Variants in ALPK2 observed in about 807,000 individuals in gnomAD.
The protein encoded by ALPK2 is alpha kinase 2.
ALPK2 carries 127 observed loss-of-function variants against 163.1 expected under a neutral mutation model. The ratio of observed to expected loss-of-function variants is 0.78; its 90% CI spans 0.67 to 0.90. ALPK2 has a LOEUF of 0.90. Among genes scored for constraint, ALPK2 ranks in the 40% least tolerant of loss-of-function variants. The probability of loss-of-function intolerance (pLI) is 0.00; values close to 1 mark genes in which losing one functional copy is unlikely to be tolerated. For synonymous variants in ALPK2, 953 were observed against 959.1 expected, an observed-to-expected ratio of 0.99 and a Z score of 0.12; for missense variants, 2,360 against 2,589.6, an observed-to-expected ratio of 0.91 and a Z score of 1.92.
At chr18:58,501,361 GAACA>G (rs1343848862) in intron 11 of ALPK2, among the ~76,000 whole-genome samples, 1 of 152,242 alleles carries the variant, frequency 6.6e-6, no homozygotes, top group Non-Finnish European at 1.5e-5. Flanking sequence ...AGTCTAAATA[GAACA>G]AACAGCTGTC....
At chr18:58,496,227 G>A (rs1044182804) in intron 12 of ALPK2, among the ~76,000 whole-genome samples, 7 of 152,132 alleles carry the variant, frequency 4.6e-5, no homozygotes, top group Admixed American at 2.6e-4. Context: ...GGAAGCAGCA[G>A]CATCAGGGTA....
At chr18:58,593,983 TG>T (rs2144212677) in intron 3 of ALPK2, among the ~76,000 whole-genome samples, 2 of 146,414 alleles carry the variant, frequency 1.4e-5, no homozygotes, top group African/African-American at 5.0e-5. Context: ...AGCAGCATAA[TG>T]GGGTGAAACC....
At chr18:58,484,599 C>T (rs971838304) in intron 12 of ALPK2, among the ~76,000 whole-genome samples, 1 of 152,104 alleles carries the variant, frequency 6.6e-6, no homozygotes, top group Non-Finnish European at 1.5e-5. Context: ...CAAAAATTAG[C>T]TGGGTGTGGT....
chr18:58,602,252 T>C (rs1338772776), intron 3 of ALPK2, among the ~76,000 whole-genome samples: 1 of 152,214 alleles, frequency 6.6e-6, no homozygotes. Context: ...CCAGTGCTTA[T>C]GTCCAGGTAG....
chr18:58,620,023 G>A (rs1216522806), intron 1 of ALPK2, among the ~76,000 whole-genome samples: 1 of 152,204 alleles, frequency 6.6e-6, no homozygotes, highest in African/African-American at 2.4e-5. Flanking sequence ...GGGCGCGGTG[G>A]CTCACGCCTG....
In ALPK2 at chr18:58,516,960, C is replaced by T. The variant is rs772031241; in HGVS notation, c.5888G>A (p.Gly1963Glu). 2.5e-6 allele frequency: 4 copies of T among 1,614,004 alleles called. No homozygotes were observed. The highest frequency in any genetic ancestry group is 2.7e-5 in the African/African-American group (2 of 74,896). ...VLKVHNAIAY[G>E]TRNNDELIQR... is the part of the protein sequence containing the mutation. ...GATGAGCTCATCATTATTTCTGGTC[C>T]CATAGGCAATGGCATTGTGCACCTT... is the stretch of plus-strand genomic sequence containing the variant. The change falls in exon 9 of 13, where the codon GGG becomes GAG. Residue 1963 changes from glycine to glutamate, a missense_variant. Transcript: ENST00000361673.
intron 1 of ALPK2, among the ~76,000 whole-genome samples, chr18:58,622,984 G>T (rs371780142): frequency 6.6e-6 from 1 of 152,054 alleles, no homozygotes; most frequent in Non-Finnish European, 1.5e-5. Flanking sequence ...CCCGCCCCCC[G>T]ACAGAAATAA....
chr18:58,543,570 C>T (rs1245210119), intron 4 of ALPK2, among the ~76,000 whole-genome samples: 1 of 152,198 alleles, frequency 6.6e-6, no homozygotes, highest in Non-Finnish European at 1.5e-5. Context: ...GCAGGATGAC[C>T]ACAGGCTCTC....
chr18:58,575,218 A>G (rs959197467), intron 4 of ALPK2, among the ~76,000 whole-genome samples: 38 of 147,898 alleles, frequency 2.6e-4, no homozygotes, highest in Middle Eastern at 7.0e-3. Flanking sequence ...AAAAAAAAAA[A>G]AGAAGAAGAA....
intron 3 of ALPK2, among the ~76,000 whole-genome samples, chr18:58,585,005 A>G (rs745597769): frequency 2.8e-4 from 42 of 152,240 alleles, no homozygotes; most frequent in Non-Finnish European, 4.7e-4. Flanking sequence ...GGAGGGAAGC[A>G]GTAACATTCC....
At chr18:58,562,854 G>A (rs1282040462) in intron 4 of ALPK2, among the ~76,000 whole-genome samples, 2 of 152,184 alleles carry the variant, frequency 1.3e-5, no homozygotes, top group Non-Finnish European at 2.9e-5. Flanking sequence ...AGAAAGAAGA[G>A]AGGAAGCAAG....
At chr18:58,617,897 G>T (rs920101917) in intron 1 of ALPK2, among the ~76,000 whole-genome samples, 1 of 152,168 alleles carries the variant, frequency 6.6e-6, no homozygotes, top group Non-Finnish European at 1.5e-5. Context: ...TAACCCATCT[G>T]CTCTTGTATT....
chr18:58,545,753 T>G (rs774029924), intron 4 of ALPK2, among the ~76,000 whole-genome samples: 1 of 152,130 alleles, frequency 6.6e-6, no homozygotes, highest in Non-Finnish European at 1.5e-5. Context: ...CTGGATGAGG[T>G]AAGTAGAAAT....
At position 58,535,200 on chromosome 18, in the gene ALPK2, C is replaced by G. The variant is rs2051637419; in HGVS notation, c.4987G>C (p.Glu1663Gln). ...TCCTGCAGTAATTTAGGGGCTTTCT[C>G]TAACTCACGTTCTCCTGAAATAAAT... Reference protein sequence around the residue: ...LAFISGERELEKAPKLLQDPC... With the variant: ...LAFISGERELQKAPKLLQDPC... The change falls in exon 5 of 13, where the codon GAG (glutamate) becomes CAG (glutamine). Residue 1663 changes from glutamate to glutamine, a missense_variant. Transcript: ENST00000361673. 1 of 1,614,106 alleles carries G rather than the reference C, an allele frequency of 6.2e-7. No homozygotes were observed. The highest frequency in any genetic ancestry group is 8.5e-7 in the Non-Finnish European group (1 of 1,180,020).
chr18:58,498,080 T>C lies in ALPK2; in HGVS notation c.6265A>G (p.Thr2089Ala). The C allele has an allele frequency of 6.2e-7, 1 of 1,614,148 alleles. No homozygotes were observed. The highest frequency in any genetic ancestry group is 8.5e-7 in the Non-Finnish European group (1 of 1,179,996). The change falls in exon 12 of 13, where the codon ACT becomes GCT. Residue 2089 changes from threonine to alanine, a missense_variant. Physicochemically the swap from Thr to Ala is moderately conservative, Grantham distance 58. Coordinates refer to ENST00000361673, the MANE Select transcript of ALPK2 (RefSeq NM_052947.4). The stretch of plus-strand genomic sequence containing the variant: ...GCCAGCGTTGCTATGCCAACGTCAG[T>C]TAGCTTCATTCCTACACCTACAGGA... ...TDMQGVGMKL[T>A]DVGIATLAKG...
chr18:58,573,409 T>C (rs968046139), intron 4 of ALPK2, among the ~76,000 whole-genome samples: 24 of 135,858 alleles, frequency 1.8e-4, no homozygotes, highest in Non-Finnish European at 3.0e-4. Context: ...TGTATATATA[T>C]ATGTTTTTTT....
chr18:58,623,866 A>AT, intron 1 of ALPK2, among the ~76,000 whole-genome samples: 1 of 152,036 alleles, frequency 6.6e-6, no homozygotes, highest in East Asian at 1.9e-4. Flanking sequence ...TTTTTTTTAA[A>AT]TTTTTTCTGG....
intron 4 of ALPK2, among the ~76,000 whole-genome samples, chr18:58,542,152 C>A (rs117120416): frequency 6.6e-6 from 1 of 152,184 alleles, no homozygotes; most frequent in Non-Finnish European, 1.5e-5. Flanking sequence ...GACTAGCAAC[C>A]AGCGTTTGTA....
At chr18:58,607,480 A>T in intron 2 of ALPK2, 41 bp from the exon 3 acceptor site, 1 of 1,300,106 alleles carries the variant, frequency 7.7e-7, no homozygotes, top group Non-Finnish European at 1.1e-6. Context: ...TAGTTTAAGT[A>T]TTTTTAGGAA....
Sources: allele counts gnomAD v4.1 joint callset (sites outside exome capture counted in the v4.1 genomes callset), GRCh38; gene constraint gnomAD v4.1.1; transcripts MANE v1.5; gene names NCBI Gene and HGNC (gene_info 2026-07-23, HGNC 2026-07-21).